Variants in UBXN2A observed in about 807,000 individuals in gnomAD.
UBXN2A encodes the protein UBX domain-containing protein 2A.
Under a neutral mutation model 28.4 loss-of-function variants are expected in UBXN2A, and 28 were observed. The observed-to-expected ratio is 0.99, with a 90% CI of 0.73 to 1.35. The LOEUF (loss-of-function observed/expected upper bound fraction) is 1.35. UBXN2A is among the 40% of genes most tolerant of loss of function. UBXN2A has a pLI of 0.00. For synonymous variants in UBXN2A, 97 were observed against 103.6 expected (o/e 0.94, Z 0.39); for missense variants, 253 against 297.9 (o/e 0.85, Z 1.11).
chr2:23,990,555 C>T (rs892302873), intron 6 of UBXN2A, among the ~76,000 whole-genome samples: 5 of 151,512 alleles, frequency 3.3e-5, no homozygotes, highest in Admixed American at 6.6e-5. Context: ...GGGCGGATCA[C>T]TTGAGGTCGG....
intron 4 of UBXN2A, among the ~76,000 whole-genome samples, chr2:23,980,654 G>A (rs1707854147): frequency 1.3e-5 from 2 of 152,074 alleles, no homozygotes; most frequent in Non-Finnish European, 2.9e-5. Flanking sequence ...TTGAGACAGA[G>A]TCTTGCTCTG....
At chr2:23,934,777 A>G (rs915143495) in intron 1 of UBXN2A, among the ~76,000 whole-genome samples, 1 of 152,152 alleles carries the variant, frequency 6.6e-6, no homozygotes, top group Non-Finnish European at 1.5e-5. Context: ...AGATAAATAT[A>G]GTATAGAAAA....
At chr2:23,929,266 G>A (rs1705298893) in intron 1 of UBXN2A, among the ~76,000 whole-genome samples, 1 of 152,034 alleles carries the variant, frequency 6.6e-6, no homozygotes, top group South Asian at 2.1e-4. Flanking sequence ...GAAACTACTG[G>A]GTGTGGTGCC....
intron 1 of UBXN2A, among the ~76,000 whole-genome samples, chr2:23,942,061 C>T (rs567796003): frequency 6.6e-6 from 1 of 152,252 alleles, no homozygotes; most frequent in East Asian, 1.9e-4. Flanking sequence ...GCCTGGGTGA[C>T]AGAGCGGGAC....
At chr2:23,974,473 G>C (rs1458520510) in intron 3 of UBXN2A, among the ~76,000 whole-genome samples, 1 of 151,550 alleles carries the variant, frequency 6.6e-6, no homozygotes, top group Non-Finnish European at 1.5e-5. Flanking sequence ...AGCCTCCTGA[G>C]TAGCTGGGAC....
intron 1 of UBXN2A, among the ~76,000 whole-genome samples, chr2:23,935,453 AAAAAT>A (rs1211596975): frequency 6.6e-5 from 10 of 152,256 alleles, no homozygotes; most frequent in Non-Finnish European, 1.3e-4. Context: ...TTTCTCCAAA[AAAAAT>A]ATACGAATAG....
intron 1 of UBXN2A, among the ~76,000 whole-genome samples, chr2:23,950,630 C>G (rs929264847): frequency 3.9e-5 from 6 of 151,930 alleles, no homozygotes; most frequent in Non-Finnish European, 8.8e-5. Context: ...TCTCGAACTC[C>G]TGACCTCAAG....
chr2:23,944,923 G>T (rs1705983376), intron 1 of UBXN2A, among the ~76,000 whole-genome samples: 1 of 152,112 alleles, frequency 6.6e-6, no homozygotes, highest in African/African-American at 2.4e-5. Flanking sequence ...GCTTTGAGGA[G>T]AAAATATATA....
intron 2 of UBXN2A, among the ~76,000 whole-genome samples, chr2:23,961,658 C>T (rs1384115490): frequency 2.1e-5 from 3 of 143,322 alleles, no homozygotes; most frequent in African/African-American, 7.7e-5. Flanking sequence ...AGTGATTCTC[C>T]TGCCTCAGCC....
chr2:23,966,750 CTTTT>C (rs70944704), intron 2 of UBXN2A, among the ~76,000 whole-genome samples: 5 of 76,686 alleles, frequency 6.5e-5, no homozygotes, highest in Admixed American at 2.1e-4. Context: ...CGCGCCCGGC[CTTTT>C]TTTTTTTTTT....
chr2:23,931,626 A>G (rs748691365), intron 1 of UBXN2A, among the ~76,000 whole-genome samples: 2 of 152,218 alleles, frequency 1.3e-5, no homozygotes, highest in African/African-American at 2.4e-5. Flanking sequence ...AAGTCATAGC[A>G]GGAACCCAGA....
At chr2:23,946,327 T>C (rs564986255) in intron 1 of UBXN2A, among the ~76,000 whole-genome samples, 21 of 148,180 alleles carry the variant, frequency 1.4e-4, no homozygotes, top group Admixed American at 2.7e-4. Context: ...CTAATTTTTG[T>C]TTTTTGTTGT....
At chr2:23,961,829 A>G (rs1428901381) in intron 2 of UBXN2A, among the ~76,000 whole-genome samples, 4 of 150,018 alleles carry the variant, frequency 2.7e-5, no homozygotes, top group Non-Finnish European at 5.9e-5. Context: ...TACAGGTGTG[A>G]ACCACCGCAC....
exon 1 of UBXN2A, chr2:23,927,394 C>T (rs1249788194): frequency 6.5e-6 from 1 of 153,408 alleles, no homozygotes; most frequent in Non-Finnish European, 1.4e-5. Context: ...GCCTGAATGC[C>T]CCAGACCCCA....
intron 6 of UBXN2A, among the ~76,000 whole-genome samples, chr2:23,989,308 T>TTC (rs1320245129): frequency 1.4e-5 from 2 of 146,106 alleles, no homozygotes; most frequent in Non-Finnish European, 1.5e-5. Context: ...ATTTATTCCT[T>TTC]TTTTTTTTTT....
At chr2:23,990,021 T>TATATGTGACCA (rs1708294123) in intron 6 of UBXN2A, among the ~76,000 whole-genome samples, 1 of 152,200 alleles carries the variant, frequency 6.6e-6, no homozygotes, top group East Asian at 1.9e-4. Flanking sequence ...TCAGTTTTCC[T>TATATGTGACCA]ATATGTGACC....
At chr2:23,973,430 C>G (rs1707508392) in intron 3 of UBXN2A, among the ~76,000 whole-genome samples, 1 of 151,700 alleles carries the variant, frequency 6.6e-6, no homozygotes, top group East Asian at 1.9e-4. Flanking sequence ...GCTCCGCCTC[C>G]CAGGTTCATG....
At chr2:23,930,184 G>A (rs994836874) in intron 1 of UBXN2A, among the ~76,000 whole-genome samples, 5 of 152,142 alleles carry the variant, frequency 3.3e-5, no homozygotes, top group African/African-American at 9.7e-5. Flanking sequence ...CACTGCGCCT[G>A]GAGGTAACAA....
chr2:23,934,206 G>A (rs1705458705), intron 1 of UBXN2A, among the ~76,000 whole-genome samples: 1 of 150,830 alleles, frequency 6.6e-6, no homozygotes, highest in South Asian at 2.1e-4. Context: ...ACAAGACTCT[G>A]TGTTAAAATA....
Sources: allele counts gnomAD v4.1 joint callset (sites outside exome capture counted in the v4.1 genomes callset), GRCh38; gene constraint gnomAD v4.1.1; transcripts MANE v1.5; gene names NCBI Gene and HGNC (gene_info 2026-07-23, HGNC 2026-07-21).